Variants in JMJD1C observed in about 807,000 individuals in gnomAD.
JMJD1C encodes the protein jumonji domain containing 1C.
In JMJD1C, 31 loss-of-function variants were observed where a neutral mutation model predicts 245.3. The observed-to-expected ratio is 0.13, with a 90% CI of 0.09 to 0.17. The LOEUF (loss-of-function observed/expected upper bound fraction) is 0.17. JMJD1C is among the 10% of genes least tolerant of loss of function. The pLI is 1.00. For missense variants in JMJD1C, 2,691 were observed against 3,000.2 expected, an observed-to-expected ratio of 0.90 and a Z score of 2.41; for synonymous variants, 1,057 against 1,017.4, an observed-to-expected ratio of 1.04 and a Z score of -0.74.
intron 2 of JMJD1C, among the ~76,000 whole-genome samples, chr10:63,318,111 T>C (rs1264990624): frequency 3.3e-5 from 5 of 152,200 alleles, no homozygotes; most frequent in African/African-American, 1.2e-4. Flanking sequence ...GTTCAGGTAA[T>C]TCTGGCATCT....
chr10:63,478,490 G>A (rs1953729686), intron 1 of JMJD1C, among the ~76,000 whole-genome samples: 1 of 152,118 alleles, frequency 6.6e-6, no homozygotes, highest in Non-Finnish European at 1.5e-5. Flanking sequence ...TGCGTTTGGC[G>A]AATCCTCAAA....
In JMJD1C at chr10:63,456,100, T is replaced by C. The variant is rs541536973; in HGVS notation, c.168+9395A>G. Among the ~76,000 whole-genome samples the C allele has an allele frequency of 3.9e-5, 6 of 152,236 alleles. No homozygotes were observed. The South Asian group carries it at 1.2e-3, about 32-fold the overall frequency. On this transcript the variant is annotated intron_variant, in intron 1 of 25. Coordinates refer to ENST00000399262, the MANE Select transcript of JMJD1C (RefSeq NM_032776.3). ...GTGAAATACATATAGTCTATATTCA[T>C]ATTCACAACTTACTCTCTTAATTCA... is the stretch of plus-strand genomic sequence containing the variant.
chr10:63,507,257 A>G (rs1954746455), intron 1 of JMJD1C, among the ~76,000 whole-genome samples: 1 of 152,198 alleles, frequency 6.6e-6, no homozygotes, highest in African/African-American at 2.4e-5. Flanking sequence ...ACATATTTCA[A>G]TTCATTTGGG....
intron 2 of JMJD1C, among the ~76,000 whole-genome samples, chr10:63,271,561 A>T (rs553209327): frequency 1.2e-4 from 18 of 151,856 alleles, no homozygotes; most frequent in South Asian, 2.1e-4. Flanking sequence ...ATTAAAAAAA[A>T]TTTTTTTGAG....
chr10:63,410,194 C>T (rs929426910), intron 1 of JMJD1C, among the ~76,000 whole-genome samples: 10 of 152,090 alleles, frequency 6.6e-5, no homozygotes, highest in African/African-American at 2.4e-4. Context: ...AATGACCCCA[C>T]AATACATACA....
intron 1 of JMJD1C, among the ~76,000 whole-genome samples, chr10:63,380,779 T>C (rs946427096): frequency 2.6e-5 from 4 of 152,206 alleles, no homozygotes; most frequent in Non-Finnish European, 5.9e-5. Context: ...TTCTATCTAA[T>C]TGTAGGAAGC....
chr10:63,355,097 A>G (rs1318757418), intron 2 of JMJD1C, among the ~76,000 whole-genome samples: 8 of 151,434 alleles, frequency 5.3e-5, no homozygotes, highest in Non-Finnish European at 1.2e-4. Flanking sequence ...TTGTCTTAGA[A>G]AAAAAAAAGC....
intron 2 of JMJD1C, among the ~76,000 whole-genome samples, chr10:63,282,617 T>C (rs1313973403): frequency 1.3e-5 from 2 of 152,232 alleles, no homozygotes; most frequent in Non-Finnish European, 2.9e-5. Context: ...AACAAAGTTA[T>C]ATTTTTAAAA....
In JMJD1C at chr10:63,414,646, G is replaced by C. The variant is rs775623358; in HGVS notation, c.169-34164C>G. Among the ~76,000 whole-genome samples the C allele has an allele frequency of 9.2e-5, 14 of 152,122 alleles. No individual in the cohort carries two copies. The South Asian group carries it at 2.9e-3, about 32-fold the overall frequency. ...ATGATGCCTGTAATCCCAACACTTT[G>C]GGAGGCTGAGGAGGGTGAATCACTT... On this transcript the variant is annotated intron_variant, in intron 1 of 25. Transcript: ENST00000399262.
chr10:63,281,458 C>T (rs1382006682), intron 2 of JMJD1C, among the ~76,000 whole-genome samples: 18 of 65,346 alleles, frequency 2.8e-4, no homozygotes, highest in Admixed American at 9.1e-4. Context: ...TGCGCCTGGC[C>T]TTTTTTTTTT....
At chr10:63,484,331 C>T (rs1953925948) in intron 1 of JMJD1C, among the ~76,000 whole-genome samples, 1 of 152,072 alleles carries the variant, frequency 6.6e-6, no homozygotes, top group African/African-American at 2.4e-5. Context: ...CAGAATGATC[C>T]TAAGAACCAC....
intron 1 of JMJD1C, among the ~76,000 whole-genome samples, chr10:63,445,134 C>T (rs1951632904): frequency 6.6e-6 from 1 of 152,092 alleles, no homozygotes; most frequent in Admixed American, 6.6e-5. Context: ...TTGGGTGGAT[C>T]ACCTGAGCCC....
At chr10:63,453,740 G>GTT (rs1163769819) in intron 1 of JMJD1C, among the ~76,000 whole-genome samples, 1 of 151,646 alleles carries the variant, frequency 6.6e-6, no homozygotes, top group African/African-American at 2.4e-5. Flanking sequence ...GTTTTTTTTT[G>GTT]TTTTTTGTTT....
chr10:63,223,011 A>G (rs989281338), intron 3 of JMJD1C: 7 of 1,351,126 alleles, frequency 5.2e-6, no homozygotes, highest in African/African-American at 1.4e-5. Context: ...AATACACTAT[A>G]TAACAATACT....
intron 1 of JMJD1C, among the ~76,000 whole-genome samples, chr10:63,388,273 G>C (rs745455318): frequency 6.6e-5 from 10 of 150,908 alleles, no homozygotes; most frequent in Admixed American, 1.3e-4. Flanking sequence ...ACCCCAATCA[G>C]ACTAACGGCA....
chr10:63,380,603 C>T (rs756746873), intron 1 of JMJD1C, 121 bp from the exon 2 acceptor site: 5 of 686,372 alleles, frequency 7.3e-6, no homozygotes, highest in African/African-American at 1.8e-5. Flanking sequence ...TACATGCACA[C>T]AATGTGTAAT....
At chr10:63,409,435 C>T (rs1408407157) in intron 1 of JMJD1C, among the ~76,000 whole-genome samples, 1 of 151,926 alleles carries the variant, frequency 6.6e-6, no homozygotes, top group Non-Finnish European at 1.5e-5. Flanking sequence ...GCGGGGCAGG[C>T]ATGTAGGAAG....
chr10:63,327,247 A>C (rs1271859080), intron 2 of JMJD1C, among the ~76,000 whole-genome samples: 1 of 152,176 alleles, frequency 6.6e-6, no homozygotes, highest in African/African-American at 2.4e-5. Context: ...GTGTTATGAG[A>C]ACACAATAAT....
At chr10:63,238,904 C>T (rs1183003774) in intron 3 of JMJD1C, among the ~76,000 whole-genome samples, 1 of 152,178 alleles carries the variant, frequency 6.6e-6, no homozygotes, top group Non-Finnish European at 1.5e-5. Flanking sequence ...AAGTTCCTGA[C>T]CTCAAGGATC....
Sources: allele counts gnomAD v4.1 joint callset (sites outside exome capture counted in the v4.1 genomes callset), GRCh38; gene constraint gnomAD v4.1.1; transcripts MANE v1.5; gene names NCBI Gene and HGNC (gene_info 2026-07-23, HGNC 2026-07-21).